ZBTB43: variants seen among roughly 807,000 people sequenced by gnomAD.
ZBTB43 encodes zinc finger and BTB domain containing 43, also known as zinc finger and BTB domain-containing protein 43.
ZBTB43 carries 6 observed loss-of-function variants against 31.1 expected under a neutral mutation model. The ratio of observed to expected loss-of-function variants is 0.19; its 90% CI spans 0.11 to 0.38. ZBTB43 has a LOEUF of 0.38. Ranked by LOEUF, ZBTB43 falls within the 10% of genes least tolerant of loss-of-function variation. ZBTB43 has a pLI of 1.00. For synonymous variants in ZBTB43, 212 were observed against 221.7 expected (o/e 0.96, Z 0.39); for missense variants, 379 against 602.1 (o/e 0.63, Z 3.88).
At chr9:126,824,207 G>A (rs2032580186) in intron 2 of ZBTB43, among the ~76,000 whole-genome samples, 1 of 152,014 alleles carries the variant, frequency 6.6e-6, no homozygotes, top group Non-Finnish European at 1.5e-5. Context: ...TTGGTTTTTT[G>A]GTAGAAATGG....
intron 2 of ZBTB43, among the ~76,000 whole-genome samples, chr9:126,819,040 G>T (rs1040047215): frequency 6.6e-6 from 1 of 152,098 alleles, no homozygotes; most frequent in Non-Finnish European, 1.5e-5. Context: ...GTCTTTAAGG[G>T]TATTGTTTAA....
At chr9:126,828,134 A>G (rs899664298) in intron 2 of ZBTB43, among the ~76,000 whole-genome samples, 6 of 152,122 alleles carry the variant, frequency 3.9e-5, no homozygotes, top group Non-Finnish European at 5.9e-5. Flanking sequence ...CTGGGTCCCA[A>G]CCTTACTCTT....
chr9:126,820,984 AAAAGGATATTTTGT>A (rs2032496696), intron 2 of ZBTB43, among the ~76,000 whole-genome samples: 1 of 151,146 alleles, frequency 6.6e-6, no homozygotes, highest in South Asian at 2.1e-4. Context: ...AAAAAAAAAA[AAAAGGATATTTTGT>A]AAGGCTATAG....
intron 2 of ZBTB43, among the ~76,000 whole-genome samples, chr9:126,823,239 ATTCC>A (rs577795971): frequency 1.6e-3 from 246 of 151,900 alleles, no homozygotes; most frequent in Non-Finnish European, 2.9e-3. Flanking sequence ...AGAACTGTCT[ATTCC>A]TTCCTTCAAT....
At chr9:126,824,597 A>G (rs560595938) in intron 2 of ZBTB43, among the ~76,000 whole-genome samples, 8 of 152,254 alleles carry the variant, frequency 5.3e-5, no homozygotes, top group Middle Eastern at 3.4e-3. Flanking sequence ...CCTACTGCCT[A>G]TGGCCTCCAT....
intron 2 of ZBTB43, among the ~76,000 whole-genome samples, chr9:126,821,105 C>T (rs1214020843): frequency 2.0e-5 from 3 of 151,998 alleles, no homozygotes; most frequent in African/African-American, 7.2e-5. Context: ...TGGTAGCTCA[C>T]ACCTGTAACT....
In ZBTB43 at chr9:126,833,574, A is replaced by G. The variant is rs150756812; in HGVS notation, c.1065A>G (p.Thr355=). Residue 355 remains threonine (T), a synonymous_variant, in exon 3 of 3, where the codon ACA becomes ACG. Transcript: ENST00000373464. This position sits in a 1 kb window ranked among gnomAD's most constrained non-coding sequence, Gnocchi z 7.9. ...ACAGTGAGAATATTGAAATGGTAAC[A>G]GGGATTAAAGAAGAAGCTTCCCACT... ...AGYSENIEMV[T]GIKEEASHLG... is the part of the protein sequence containing the mutation. The G allele has an allele frequency of 3.7e-6, 6 of 1,614,034 alleles. No individual in the cohort carries two copies. The African/African-American group carries it at 6.7e-5, about 18-fold the overall frequency.
intron 2 of ZBTB43, among the ~76,000 whole-genome samples, chr9:126,820,725 C>T (rs1047777809): frequency 1.1e-4 from 16 of 151,880 alleles, no homozygotes; most frequent in African/African-American, 2.7e-4. Context: ...CCTAGCACTT[C>T]GGGAGGCCAA....
rs556736834 is a variant in ZBTB43 at position 126,826,306 on chromosome 9, C to G, written c.-23-6181C>G. On this transcript the variant is annotated intron_variant, in intron 2 of 2. Transcript: ENST00000373464. ...GGATTACAGGCATGAGCCACCATGC[C>G]CAGCCCATTTTTATATTTTTTGTAG... Among the ~76,000 whole-genome samples the G allele has an allele frequency of 2.7e-3, 416 of 151,950 alleles. 2 individuals carry two copies. Among genetic ancestry groups the G allele is most frequent in the Non-Finnish European group, 3.9e-3 (262 of 67,956 alleles).
chr9:126,821,844 T>G (rs2032517615), intron 2 of ZBTB43, among the ~76,000 whole-genome samples: 1 of 152,150 alleles, frequency 6.6e-6, no homozygotes, highest in African/African-American at 2.4e-5. Context: ...CACAAATTCA[T>G]AACCTTTCCT....
chr9:126,804,914 C>G (rs368106606), upstream of ZBTB43: 2 of 152,624 alleles, frequency 1.3e-5, no homozygotes, highest in African/African-American at 4.8e-5. Context: ...CGCTCTCTCC[C>G]GACGCCCAGC....
intron 1 of ZBTB43, among the ~76,000 whole-genome samples, chr9:126,805,759 C>T (rs1159321441): frequency 6.6e-6 from 1 of 152,196 alleles, no homozygotes; most frequent in Non-Finnish European, 1.5e-5. Context: ...GCCACTCAGC[C>T]CTTACTCTAA....
intron 2 of ZBTB43, among the ~76,000 whole-genome samples, chr9:126,817,098 A>ATTTT (rs2032402387): frequency 8.6e-5 from 7 of 81,294 alleles, no homozygotes; most frequent in South Asian, 4.3e-4. Flanking sequence ...TTTCCACTGT[A>ATTTT]TCTTTTTTTT....
rs556382258 is a variant in ZBTB43 at position 126,836,169 on chromosome 9, G to T, written c.*2256G>T. 6.0e-6 allele frequency: 1 copy of T among 167,050 alleles called. No homozygotes were observed. The highest frequency in any genetic ancestry group is 1.5e-5 in the Non-Finnish European group (1 of 68,126). The allele number at this position is 167,050 out of a possible 1,614,324, so 10.3% of individuals were successfully genotyped here. A position where few individuals can be genotyped will look rare whatever the true frequency, so the allele number is the denominator to read the frequency against. ...AAAATACAGATATTCTGGGAGAGTCGTGGTCCTTCAGTTCTGCTGAAATCA... is the reference window on the plus strand; with the variant it reads ...AAAATACAGATATTCTGGGAGAGTCTTGGTCCTTCAGTTCTGCTGAAATCA... On this transcript the variant is annotated 3_prime_UTR_variant, in exon 3 of 3. Coordinates refer to ENST00000373464, the MANE Select transcript of ZBTB43 (RefSeq NM_014007.4).
chr9:126,817,778 A>G (rs2032421993), intron 2 of ZBTB43, among the ~76,000 whole-genome samples: 1 of 152,136 alleles, frequency 6.6e-6, no homozygotes, highest in African/African-American at 2.4e-5. Flanking sequence ...GCCTGGCCCC[A>G]TGAGGTTTTT....
intron 2 of ZBTB43, among the ~76,000 whole-genome samples, chr9:126,810,190 ATTTG>A (rs917435654): frequency 4.6e-4 from 69 of 149,684 alleles, no homozygotes; most frequent in African/African-American, 1.1e-3. Flanking sequence ...TTGTTTGTTT[ATTTG>A]TTTGTTTGTT....
chr9:126,828,081 A>G (rs1182267436), intron 2 of ZBTB43, among the ~76,000 whole-genome samples: 1 of 152,174 alleles, frequency 6.6e-6, no homozygotes, highest in African/African-American at 2.4e-5. Flanking sequence ...TATTTGACAA[A>G]TAGTGTTAGA....
At chr9:126,805,766 C>CTT (rs1374983484) in intron 1 of ZBTB43, among the ~76,000 whole-genome samples, 1 of 152,248 alleles carries the variant, frequency 6.6e-6, no homozygotes. Context: ...AGCCCTTACT[C>CTT]TAATTCAGGG....
In ZBTB43 at chr9:126,837,793, A is replaced by ATAG. The variant is rs2032913923; in HGVS notation, c.*3882_*3884dup. The stretch of plus-strand genomic sequence containing the variant: ...AGTTTCTTATTTCAAATCTCTACTG[A>ATAG]TAGTGCCCTATGGGGAGATGCTGGA... On this transcript the variant is annotated 3_prime_UTR_variant, in exon 3 of 3. Coordinates refer to ENST00000373464, the MANE Select transcript of ZBTB43 (RefSeq NM_014007.4). The ATAG allele has an allele frequency of 6.1e-6, 1 of 164,186 alleles. No individual in the cohort carries two copies. Among genetic ancestry groups the ATAG allele is most frequent in the Non-Finnish European group, 1.5e-5 (1 of 67,746 alleles). The allele number at this position is 164,186 out of a possible 1,614,324, so 10.2% of individuals were successfully genotyped here. A position where few individuals can be genotyped will look rare whatever the true frequency, so the allele number is the denominator to read the frequency against.
Sources: gnomAD v4.1 joint callset for allele counts (sites outside exome capture counted in the v4.1 genomes callset) on GRCh38, gnomAD v4.1.1 for gene constraint, Gnocchi (gnomAD v3.1) non-coding constraint, MANE v1.5 for transcripts, NCBI Gene and HGNC (gene_info 2026-07-23, HGNC 2026-07-21) for gene names.